The following ARHGEF28 variants were observed in gnomAD, a reference collection of about 807,000 sequenced individuals.
The protein encoded by ARHGEF28 is Rho guanine nucleotide exchange factor 28, also known as 190 kDa guanine nucleotide exchange factor.
ARHGEF28 carries 152 observed loss-of-function variants against 206.6 expected under a neutral mutation model. The observed-to-expected ratio is 0.74, with a 90% CI of 0.64 to 0.84. The LOEUF is 0.84. ARHGEF28 is among the 40% of genes least tolerant of loss of function. ARHGEF28 has a pLI of 0.00. For synonymous variants in ARHGEF28, 763 were observed against 776.4 expected, an observed-to-expected ratio of 0.98 and a Z score of 0.29; for missense variants, 2,028 against 2,073.2, an observed-to-expected ratio of 0.98 and a Z score of 0.42.
chr5:73,833,237 C>G (rs1757411503), intron 10 of ARHGEF28, among the ~76,000 whole-genome samples: 1 of 152,204 alleles, frequency 6.6e-6, no homozygotes, highest in Non-Finnish European at 1.5e-5. Context: ...GACTTTAAAA[C>G]TTAATCCCTA....
At position 73,683,122 on chromosome 5, in the gene ARHGEF28, T is replaced by G. The variant is rs576271978; in HGVS notation, c.-11-1719T>G. On this transcript the variant is annotated intron_variant, in intron 1 of 35. Transcript: ENST00000513042. The stretch of plus-strand genomic sequence containing the variant: ...GTGTTCAGTGAGTGATGCTGGGTTT[T>G]TTTTGTTTTTTTTCTAAGTAGGAAA... Among the ~76,000 whole-genome samples the G allele has an allele frequency of 4.6e-5, 7 of 152,260 alleles. No individual in the cohort carries two copies. In the South Asian group the frequency reaches 1.5e-3, roughly 32 times the overall value.
intron 2 of ARHGEF28, among the ~76,000 whole-genome samples, chr5:73,749,204 T>C (rs552935314): frequency 1.3e-5 from 2 of 152,340 alleles, no homozygotes; most frequent in South Asian, 4.1e-4. Flanking sequence ...AGTAGTCCTA[T>C]TTATTTGGCA....
chr5:73,692,177 C>T (rs896431077), intron 2 of ARHGEF28, among the ~76,000 whole-genome samples: 1 of 152,122 alleles, frequency 6.6e-6, no homozygotes, highest in Non-Finnish European at 1.5e-5. Flanking sequence ...CTTTATTTCT[C>T]CCATTTCTCA....
chr5:73,888,562 A>G (rs1295440287), intron 26 of ARHGEF28, among the ~76,000 whole-genome samples: 1 of 152,188 alleles, frequency 6.6e-6, no homozygotes, highest in Non-Finnish European at 1.5e-5. Context: ...TATAGAAACC[A>G]ATGCTTCTTT....
chr5:73,757,842 A>G (rs1271522826), intron 4 of ARHGEF28, among the ~76,000 whole-genome samples: 1 of 152,162 alleles, frequency 6.6e-6, no homozygotes, highest in East Asian at 1.9e-4. Context: ...TAGTAATATA[A>G]TTATTCAACA....
chr5:73,925,239 T>G (rs1279959132), intron 35 of ARHGEF28, among the ~76,000 whole-genome samples: 1 of 152,170 alleles, frequency 6.6e-6, no homozygotes, highest in Non-Finnish European at 1.5e-5. Flanking sequence ...CATCTCGATC[T>G]CTCAGCCTCG....
intron 1 of ARHGEF28, among the ~76,000 whole-genome samples, chr5:73,636,537 T>A (rs1743727115): frequency 6.6e-6 from 1 of 152,232 alleles, no homozygotes. Context: ...AGATGTTTGA[T>A]GTTCAATTCA....
At chr5:73,909,262 C>T in intron 33 of ARHGEF28, 150 bp from the exon 34 acceptor site, 1 of 1,181,798 alleles carries the variant, frequency 8.5e-7, no homozygotes, top group Non-Finnish European at 1.2e-6. Flanking sequence ...AAAAACCTTG[C>T]CTTTGGAGGT....
At chr5:73,869,292 C>A (rs1759926931) in intron 20 of ARHGEF28, among the ~76,000 whole-genome samples, 1 of 151,778 alleles carries the variant, frequency 6.6e-6, no homozygotes, top group African/African-American at 2.4e-5. Flanking sequence ...AATCTGCACT[C>A]ATTTGTGACT....
chr5:73,774,794 A>G (rs1753452611), intron 5 of ARHGEF28, among the ~76,000 whole-genome samples: 2 of 152,242 alleles, frequency 1.3e-5, no homozygotes, highest in Non-Finnish European at 2.9e-5. Flanking sequence ...GTAAAAAACC[A>G]AAGTATAAAT....
At chr5:73,747,913 C>A (rs1021370142) in intron 2 of ARHGEF28, among the ~76,000 whole-genome samples, 1 of 152,132 alleles carries the variant, frequency 6.6e-6, no homozygotes, top group Non-Finnish European at 1.5e-5. Flanking sequence ...AGCTGTAGTC[C>A]TTGTCCACCC....
rs546065511 is a variant in ARHGEF28, at chr5:73,898,029, T to C, written c.3909T>C (p.Ser1303=). 3.2e-4 allele frequency: 511 copies of C among 1,609,630 alleles called. 4 individuals carry two copies. The South Asian group carries it at 5.5e-3, about 17-fold the overall frequency. Residue 1303 remains serine (S), a synonymous_variant, in exon 30 of 36, where the codon AGT becomes AGC. Coordinates refer to ENST00000513042, the MANE Select transcript of ARHGEF28 (RefSeq NM_001177693.2). Reference sequence around the variant, plus strand: ...CCGTGAGTCAATCATGTGAGGACAGTTGTGGAGACTCTGTCTTGGCGGACA... The same window carrying C: ...CCGTGAGTCAATCATGTGAGGACAGCTGTGGAGACTCTGTCTTGGCGGACA... ...MGAVSQSCED[S]CGDSVLADTL...
intron 9 of ARHGEF28, among the ~76,000 whole-genome samples, chr5:73,807,805 CAT>C (rs1294747074): frequency 2.0e-5 from 3 of 151,752 alleles, no homozygotes; most frequent in Non-Finnish European, 4.4e-5. Flanking sequence ...AATTCTTTAA[CAT>C]GTGTTGCTTC....
intron 10 of ARHGEF28, among the ~76,000 whole-genome samples, chr5:73,839,265 C>G (rs1460956686): frequency 3.3e-5 from 5 of 152,090 alleles, no homozygotes; most frequent in Non-Finnish European, 5.9e-5. Flanking sequence ...TATTAAGTAC[C>G]ATGTCAGGAG....
At chr5:73,816,073 A>T (rs887997195) in intron 9 of ARHGEF28, among the ~76,000 whole-genome samples, 1 of 152,078 alleles carries the variant, frequency 6.6e-6, no homozygotes, top group Non-Finnish European at 1.5e-5. Flanking sequence ...CCCTCATTTG[A>T]CAGATGAGGG....
intron 7 of ARHGEF28, among the ~76,000 whole-genome samples, chr5:73,782,027 G>A (rs918911731): frequency 6.6e-6 from 1 of 151,750 alleles, no homozygotes; most frequent in African/African-American, 2.4e-5. Flanking sequence ...AATGTTAATA[G>A]CTGGTCAATA....
At chr5:73,672,948 AC>A (rs1746439869) in intron 1 of ARHGEF28, among the ~76,000 whole-genome samples, 1 of 152,112 alleles carries the variant, frequency 6.6e-6, no homozygotes, top group Non-Finnish European at 1.5e-5. Context: ...CCCCACAACC[AC>A]CATTAGTTTG....
At position 73,780,686 on chromosome 5, in the gene ARHGEF28, C is replaced by G; in HGVS notation, c.851C>G (p.Pro284Arg). 1.9e-6 allele frequency: 3 copies of G among 1,554,796 alleles called. No homozygotes were observed. The highest frequency in any genetic ancestry group is 2.7e-5 in the African/African-American group (2 of 73,060). Residue 284 changes from proline (P) to arginine (R), a missense_variant, in exon 7 of 36, where the codon CCA becomes CGA. This residue lies in a region of ARHGEF28 where 1,002 missense variants were observed against 1,015.3 expected (regional missense o/e 0.99). Coordinates refer to ENST00000513042, the MANE Select transcript of ARHGEF28 (RefSeq NM_001177693.2). ...CCCATTGTTTCCTAGGCCTTTGAGC[C>G]AGAAGCCAGGCCAGAGGAAAGAACA... The part of the protein sequence containing the change: ...DRAFLVKAFE[P>R]EARPEERTAM...
intron 2 of ARHGEF28, among the ~76,000 whole-genome samples, chr5:73,707,789 C>T (rs1158364514): frequency 6.6e-6 from 1 of 151,850 alleles, no homozygotes; most frequent in African/African-American, 2.4e-5. Context: ...AAGAGAAAAC[C>T]CAAAATGAAC....
Sources: gnomAD v4.1 joint callset for allele counts (sites outside exome capture counted in the v4.1 genomes callset) on GRCh38, gnomAD v4.1.1 for gene constraint, gnomAD v4.1.1 regional missense constraint, MANE v1.5 for transcripts, NCBI Gene and HGNC (gene_info 2026-07-23, HGNC 2026-07-21) for gene names.